Variants in ARB2A observed in about 807,000 individuals in gnomAD.
ARB2A encodes ARB2 cotranscriptional regulator A, also known as cotranscriptional regulator ARB2A.
chr5:93,720,051 G>A, the ARB2A span, among the ~76,000 whole-genome samples: 19 of 152,106 alleles, frequency 1.2e-4, no homozygotes, highest in African/African-American at 7.2e-5. Context: ...CAGGATACCC[G>A]TTTATGAATT....
chr5:93,860,002 A>G, the ARB2A span, among the ~76,000 whole-genome samples: 135 of 152,342 alleles, frequency 8.9e-4, no homozygotes, highest in Non-Finnish European at 1.6e-3. Flanking sequence ...AATGTTCATT[A>G]GAATCTTATA....
chr5:93,799,739 A>G, the ARB2A span, among the ~76,000 whole-genome samples: 3 of 152,198 alleles, frequency 2.0e-5, no homozygotes, highest in East Asian at 5.8e-4. Context: ...TTGATTAATC[A>G]CTGTTTTGTT....
the ARB2A span, among the ~76,000 whole-genome samples, chr5:94,005,051 CAA>C: frequency 0.018 from 2,118 of 118,302 alleles, 32 homozygotes; most frequent in Non-Finnish European, 0.025. Flanking sequence ...AAATGCAAAA[CAA>C]AAAAAAAAAA....
chr5:93,890,468 G>C, the ARB2A span, among the ~76,000 whole-genome samples: 10 of 151,460 alleles, frequency 6.6e-5, no homozygotes, highest in Non-Finnish European at 1.5e-4. Flanking sequence ...TTGACATGTG[G>C]TCTTTTAAAA....
the ARB2A span, among the ~76,000 whole-genome samples, chr5:93,806,246 C>G: frequency 1.3e-5 from 2 of 151,868 alleles, no homozygotes; most frequent in East Asian, 1.9e-4. Context: ...AAGAGGTTTT[C>G]CATCTTAATA....
the ARB2A span, among the ~76,000 whole-genome samples, chr5:93,767,825 T>C: frequency 6.6e-6 from 1 of 151,096 alleles, no homozygotes; most frequent in Non-Finnish European, 1.5e-5. Context: ...AAACCCCGTC[T>C]CTACTAAAAA....
the ARB2A span, among the ~76,000 whole-genome samples, chr5:93,932,201 T>C: frequency 6.6e-6 from 1 of 152,028 alleles, no homozygotes; most frequent in Admixed American, 6.5e-5. Context: ...TATTGGTTCA[T>C]GAGAATTTGC....
chr5:93,862,349 A>G, the ARB2A span: 1 of 152,230 alleles, frequency 6.6e-6, no homozygotes, highest in Admixed American at 6.5e-5. Context: ...TGTGCAATAT[A>G]CTACAATCTG....
At chr5:94,047,659 G>C in the ARB2A span, among the ~76,000 whole-genome samples, 1 of 152,040 alleles carries the variant, frequency 6.6e-6, no homozygotes, top group Non-Finnish European at 1.5e-5. Flanking sequence ...CAAATATTTT[G>C]ATTCTTATCG....
chr5:93,780,936 T>TA, the ARB2A span, among the ~76,000 whole-genome samples: 62 of 152,228 alleles, frequency 4.1e-4, no homozygotes, highest in Non-Finnish European at 2.1e-4. Context: ...TTACTTAACC[T>TA]TTGTTCTGTG....
At chr5:93,747,003 TTACTC>T in the ARB2A span, among the ~76,000 whole-genome samples, 3 of 152,174 alleles carry the variant, frequency 2.0e-5, no homozygotes, top group Non-Finnish European at 4.4e-5. Context: ...CTTGCATTGA[TTACTC>T]TAGTCAGGGT....
At chr5:93,880,113 C>A in the ARB2A span, among the ~76,000 whole-genome samples, 6 of 151,604 alleles carry the variant, frequency 4.0e-5, no homozygotes, top group Non-Finnish European at 8.9e-5. Context: ...ATATAATAAG[C>A]GTTCTTGCTT....
the ARB2A span, among the ~76,000 whole-genome samples, chr5:93,811,715 A>G: frequency 0.087 from 13,232 of 152,210 alleles, 779 homozygotes; most frequent in Middle Eastern, 0.17. Flanking sequence ...AGTATCTCAT[A>G]AAAGTGTTAT....
At chr5:94,011,714 T>G in the ARB2A span, among the ~76,000 whole-genome samples, 1 of 151,884 alleles carries the variant, frequency 6.6e-6, no homozygotes, top group Non-Finnish European at 1.5e-5. Context: ...AAATTCGGTT[T>G]TGCACATGTA....
At chr5:93,625,521 G>C in the ARB2A span, among the ~76,000 whole-genome samples, 1 of 152,056 alleles carries the variant, frequency 6.6e-6, no homozygotes, top group South Asian at 2.1e-4. Flanking sequence ...TGTCAATGAT[G>C]TTATTCATTG....
At chr5:93,824,614 C>CT in the ARB2A span, among the ~76,000 whole-genome samples, 148 of 152,164 alleles carry the variant, frequency 9.7e-4, no homozygotes, top group South Asian at 5.6e-3. Context: ...TCAATGCAGT[C>CT]TTTTTTACAT....
the ARB2A span, among the ~76,000 whole-genome samples, chr5:94,010,772 T>C: frequency 6.6e-6 from 1 of 152,080 alleles, no homozygotes; most frequent in Non-Finnish European, 1.5e-5. Flanking sequence ...ATTATTATTA[T>C]TTTAATGGTA....
At chr5:93,985,217 A>T in the ARB2A span, among the ~76,000 whole-genome samples, 1 of 151,984 alleles carries the variant, frequency 6.6e-6, no homozygotes, top group African/African-American at 2.4e-5. Context: ...ACCCTGGTGA[A>T]CTCCCCTGTC....
At chr5:94,102,385 G>A in the ARB2A span, among the ~76,000 whole-genome samples, 1 of 152,114 alleles carries the variant, frequency 6.6e-6, no homozygotes, top group African/African-American at 2.4e-5. Flanking sequence ...ACAATCAGAA[G>A]TGCTGAGAAA....
Sources: gnomAD v4.1 joint callset for allele counts (sites outside exome capture counted in the v4.1 genomes callset) on GRCh38, gnomAD v4.1.1 for gene constraint, MANE v1.5 for transcripts, NCBI Gene and HGNC (gene_info 2026-07-23, HGNC 2026-07-21) for gene names.